MAPK10: variants seen among roughly 807,000 people sequenced by gnomAD.
The protein encoded by MAPK10 is mitogen-activated protein kinase 10.
In MAPK10, 25 loss-of-function variants were observed where a neutral mutation model predicts 59.3. That is an observed-to-expected ratio of 0.42 (90% CI 0.31 to 0.59). The LOEUF (loss-of-function observed/expected upper bound fraction) is 0.59. Ranked by LOEUF, MAPK10 falls within the 20% of genes least tolerant of loss-of-function variation. The probability of loss-of-function intolerance (pLI) is 0.15; values close to 1 mark genes in which losing one functional copy is unlikely to be tolerated. For synonymous variants in MAPK10, 190 were observed against 200.5 expected (o/e 0.95, Z 0.44); for missense variants, 351 against 568.9 (o/e 0.62, Z 3.90).
chr4:86,568,273 C>T (rs4511966), intron 1 of MAPK10, among the ~76,000 whole-genome samples: 34,331 of 152,038 alleles, frequency 0.23, 4,600 homozygotes, highest in Admixed American at 0.3. Context: ...AACTACAAAA[C>T]ACTGCTGAAA....
At chr4:86,194,103 T>C (rs2080687623) in intron 3 of MAPK10, 2 of 493,650 alleles carry the variant, frequency 4.1e-6, no homozygotes, top group East Asian at 3.6e-5. Context: ...CCCAGTGAGA[T>C]GAACCAGGTA....
At chr4:86,402,744 T>C (rs1057382997) in intron 1 of MAPK10, among the ~76,000 whole-genome samples, 6 of 152,136 alleles carry the variant, frequency 3.9e-5, no homozygotes, top group Non-Finnish European at 8.8e-5. Flanking sequence ...CCTAGACTGC[T>C]GTGCAGTCTA....
intron 4 of MAPK10, among the ~76,000 whole-genome samples, chr4:86,139,251 C>T (rs2149171324): frequency 6.7e-6 from 1 of 148,798 alleles, no homozygotes; most frequent in Non-Finnish European, 1.5e-5. Context: ...AAGAACAAAG[C>T]TGGAGGCATC....
intron 2 of MAPK10, among the ~76,000 whole-genome samples, chr4:86,285,229 T>C (rs957837343): frequency 6.6e-6 from 1 of 152,112 alleles, no homozygotes; most frequent in Non-Finnish European, 1.5e-5. Context: ...GACACTTTTT[T>C]TTTTTTGAGA....
chr4:86,341,977 T>C (rs1725252261), intron 2 of MAPK10, among the ~76,000 whole-genome samples: 1 of 152,170 alleles, frequency 6.6e-6, no homozygotes, highest in Admixed American at 6.5e-5. Context: ...AACCAGGATC[T>C]CATGTAAAAT....
chr4:86,396,950 TAC>T (rs1260122491), intron 1 of MAPK10, among the ~76,000 whole-genome samples: 1 of 152,236 alleles, frequency 6.6e-6, no homozygotes, highest in Non-Finnish European at 1.5e-5. Context: ...GAGTTAAGTG[TAC>T]ACACTACTAA....
chr4:86,388,463 G>C (rs1292818567), intron 1 of MAPK10, among the ~76,000 whole-genome samples: 1 of 152,090 alleles, frequency 6.6e-6, no homozygotes, highest in Non-Finnish European at 1.5e-5. Context: ...AGATACCTCA[G>C]TGTCAATTCA....
intron 2 of MAPK10, among the ~76,000 whole-genome samples, chr4:86,206,380 A>AT (rs1220775825): frequency 6.6e-6 from 1 of 151,824 alleles, no homozygotes; most frequent in African/African-American, 2.4e-5. Context: ...TGAACTCATC[A>AT]TTTTTTATGG....
chr4:86,144,433 C>G (rs556816266), intron 4 of MAPK10, among the ~76,000 whole-genome samples: 1 of 152,002 alleles, frequency 6.6e-6, no homozygotes, highest in Non-Finnish European at 1.5e-5. Flanking sequence ...GGTTAAAGGA[C>G]AAGTCTTGGA....
intron 9 of MAPK10, among the ~76,000 whole-genome samples, chr4:86,071,871 G>A (rs1435455224): frequency 6.9e-6 from 1 of 145,832 alleles, no homozygotes; most frequent in African/African-American, 2.6e-5. Context: ...ACTTGGCAAT[G>A]CGGGCTCTTT....
At position 86,058,763 on chromosome 4, in the gene MAPK10, C is replaced by A. The variant is rs1158780462; in HGVS notation, c.1110+5503G>T. The stretch of plus-strand genomic sequence containing the variant: ...AGATCTCTGATCTTAGACCACATGT[C>A]TCTCCTGACTACCCAGCTGGTCTTG... On this transcript the variant is annotated intron_variant, in intron 11 of 13. Coordinates refer to ENST00000641462, the MANE Select transcript of MAPK10 (RefSeq NM_138982.4). Among the ~76,000 whole-genome samples, 4 of 151,800 alleles carry A rather than the reference C, an allele frequency of 2.6e-5. 1 individual carries two copies. The highest frequency in any genetic ancestry group is 9.7e-5 in the African/African-American group (4 of 41,210).
chr4:86,286,712 G>A (rs2148812378), intron 2 of MAPK10, among the ~76,000 whole-genome samples: 1 of 152,276 alleles, frequency 6.6e-6, no homozygotes, highest in East Asian at 1.9e-4. Flanking sequence ...TGCAAAATGA[G>A]GGCAGTGTGC....
chr4:86,068,347 C>T (rs1401823361), intron 9 of MAPK10, among the ~76,000 whole-genome samples: 2 of 151,862 alleles, frequency 1.3e-5, no homozygotes, highest in East Asian at 1.9e-4. Context: ...CCTGAAGTTA[C>T]CTCAATTATT....
chr4:86,024,303 A>G (rs1749041331), intron 13 of MAPK10: 1 of 152,210 alleles, frequency 6.6e-6, no homozygotes, highest in South Asian at 2.1e-4. Flanking sequence ...TATATCTACA[A>G]ATAATATTGA....
At chr4:86,055,694 TG>T (rs1238482521) in intron 11 of MAPK10, among the ~76,000 whole-genome samples, 1 of 149,864 alleles carries the variant, frequency 6.7e-6, no homozygotes, top group African/African-American at 2.5e-5. Flanking sequence ...ACCCATGAAA[TG>T]TTTTTTTAAA....
exon 1 of MAPK10, chr4:86,593,964 A>G (rs1169784527): frequency 6.6e-6 from 1 of 152,224 alleles, no homozygotes; most frequent in African/African-American, 2.4e-5. Flanking sequence ...TTCTGAAGTT[A>G]GAAGTGTGGG....
At chr4:86,588,718 C>A (rs1477553943) in intron 1 of MAPK10, among the ~76,000 whole-genome samples, 1 of 152,094 alleles carries the variant, frequency 6.6e-6, no homozygotes, top group African/African-American at 2.4e-5. Flanking sequence ...AATTGTACTT[C>A]CAAATGGAAT....
At chr4:86,355,880 G>T (rs898821410) in intron 1 of MAPK10, among the ~76,000 whole-genome samples, 5 of 152,166 alleles carry the variant, frequency 3.3e-5, no homozygotes, top group African/African-American at 1.2e-4. Flanking sequence ...CAATGTATAA[G>T]AAGAGGACAA....
In MAPK10 at chr4:86,191,553, C is replaced by CTTTTTTTTTTTTTTTTTTTTTTTTTTTT. The variant is rs35357476; in HGVS notation, c.66+2755_66+2782dup. ...TCAGAGACTAGGATTACAACCCGTG[C>CTTTTTTTTTTTTTTTTTTTTTTTTTTTT]TTTTTTTTTTTTTTTTTTTTTTTTT... is the stretch of plus-strand genomic sequence containing the variant. On this transcript the variant is annotated intron_variant, in intron 3 of 13. Transcript: ENST00000641462. The CTTTTTTTTTTTTTTTTTTTTTTTTTTTT allele has an allele frequency of 2.6e-4, 8 of 30,412 alleles. 2 individuals carry two copies. Among genetic ancestry groups the CTTTTTTTTTTTTTTTTTTTTTTTTTTTT allele is most frequent in the Non-Finnish European group, 4.6e-4 (4 of 8,630 alleles). 1.9% of individuals were successfully genotyped at this position (30,412 alleles called of 1,614,324 possible).
Sources: allele counts gnomAD v4.1 joint callset (sites outside exome capture counted in the v4.1 genomes callset), GRCh38; gene constraint gnomAD v4.1.1; transcripts MANE v1.5; gene names NCBI Gene and HGNC (gene_info 2026-07-23, HGNC 2026-07-21).